MAGI2: variants seen among roughly 807,000 people sequenced by gnomAD.
The protein encoded by MAGI2 is membrane-associated guanylate kinase, WW and PDZ domain-containing protein 2.
A neutral mutation model predicts 133.3 loss-of-function variants in MAGI2; 35 were observed. The observed-to-expected ratio is 0.26, with a 90% CI of 0.20 to 0.35. The LOEUF is 0.35. Among genes scored for constraint, MAGI2 ranks in the 10% least tolerant of loss-of-function variants. MAGI2 has a pLI of 1.00. For missense variants in MAGI2, 1,636 were observed against 1,863.4 expected (o/e 0.88, Z 2.25); for synonymous variants, 729 against 710.6 (o/e 1.03, Z -0.41).
At chr7:79,291,545 G>C (rs1354219506) in intron 1 of MAGI2, among the ~76,000 whole-genome samples, 1 of 152,016 alleles carries the variant, frequency 6.6e-6, no homozygotes, top group African/African-American at 2.4e-5. Context: ...GTGTATCAGG[G>C]CTCCATTTTC....
At chr7:79,152,471 T>C (rs1000937700) in intron 1 of MAGI2, among the ~76,000 whole-genome samples, 5 of 152,216 alleles carry the variant, frequency 3.3e-5, no homozygotes, top group Non-Finnish European at 7.3e-5. Flanking sequence ...AGAAAAAGTA[T>C]TCTTGCTTTT....
At chr7:78,724,817 A>T (rs1820611133) in intron 2 of MAGI2, among the ~76,000 whole-genome samples, 1 of 152,214 alleles carries the variant, frequency 6.6e-6, no homozygotes, top group Non-Finnish European at 1.5e-5. Flanking sequence ...AACAATGCAT[A>T]ACAGCACTTG....
chr7:78,691,847 G>A (rs917887956), intron 2 of MAGI2, among the ~76,000 whole-genome samples: 2 of 152,116 alleles, frequency 1.3e-5, no homozygotes, highest in African/African-American at 4.8e-5. Flanking sequence ...TTATACATTT[G>A]TCCAATCTCA....
At chr7:78,135,459 C>T (rs1238260830) in intron 16 of MAGI2, among the ~76,000 whole-genome samples, 1 of 152,122 alleles carries the variant, frequency 6.6e-6, no homozygotes, top group African/African-American at 2.4e-5. Context: ...TTGGGGTGAT[C>T]ATAATTAACC....
chr7:79,171,770 A>ATATATATTTT, intron 1 of MAGI2, among the ~76,000 whole-genome samples: 11 of 31,222 alleles, frequency 3.5e-4, no homozygotes, highest in Non-Finnish European at 1.1e-3. Flanking sequence ...ATATATATAT[A>ATATATATTTT]TTTTTTTTTT....
intron 2 of MAGI2, among the ~76,000 whole-genome samples, chr7:78,881,295 A>G (rs1417988131): frequency 3.3e-5 from 5 of 152,086 alleles, no homozygotes; most frequent in Admixed American, 3.3e-4. Flanking sequence ...CATGGAACAT[A>G]CTCTAAGATG....
chr7:78,384,956 TG>T (rs34805245), intron 6 of MAGI2, among the ~76,000 whole-genome samples: 1 of 152,084 alleles, frequency 6.6e-6, no homozygotes, highest in Non-Finnish European at 1.5e-5. Flanking sequence ...CCCATAACAC[TG>T]GGTGTAAGCA....
At chr7:79,388,608 GAATATTTAGAGAGTTGCC>G (rs1844369412) in intron 1 of MAGI2, among the ~76,000 whole-genome samples, 1 of 151,476 alleles carries the variant, frequency 6.6e-6, no homozygotes, top group South Asian at 2.1e-4. Context: ...TTTATAATAA[GAATATTTAGAGAGTTGCC>G]TCACCCTTTG....
intron 2 of MAGI2, among the ~76,000 whole-genome samples, chr7:78,644,809 GA>G (rs1389408003): frequency 3.3e-5 from 5 of 151,158 alleles, no homozygotes; most frequent in South Asian, 4.2e-4. Context: ...TAAATAAATA[GA>G]AAAAAAATAA....
chr7:78,992,125 G>C (rs1171889806), intron 2 of MAGI2, among the ~76,000 whole-genome samples: 1 of 152,054 alleles, frequency 6.6e-6, no homozygotes, highest in African/African-American at 2.4e-5. Flanking sequence ...TTCAGGTTTT[G>C]TAACAATTAA....
chr7:79,352,575 C>T (rs191124182), intron 1 of MAGI2, among the ~76,000 whole-genome samples: 1 of 152,246 alleles, frequency 6.6e-6, no homozygotes, highest in East Asian at 1.9e-4. Flanking sequence ...GGCTGTAAGC[C>T]CCACTCACAC....
chr7:78,455,686 A>G (rs17150818), intron 6 of MAGI2, among the ~76,000 whole-genome samples: 4,087 of 152,254 alleles, frequency 0.027, 190 homozygotes, highest in African/African-American at 0.09. Context: ...CTGCCATAAT[A>G]TAGTCGCTAT....
intron 3 of MAGI2, among the ~76,000 whole-genome samples, chr7:78,580,932 G>A (rs1802771243): frequency 6.6e-6 from 1 of 152,110 alleles, no homozygotes; most frequent in South Asian, 2.1e-4. Flanking sequence ...CATCACAAAT[G>A]CAGATGACGA....
At chr7:79,175,917 G>A (rs955833532) in intron 1 of MAGI2, among the ~76,000 whole-genome samples, 6 of 151,964 alleles carry the variant, frequency 3.9e-5, no homozygotes, top group Non-Finnish European at 7.4e-5. Flanking sequence ...TTGTGTTTCA[G>A]TGATTTATTT....
intron 7 of MAGI2, among the ~76,000 whole-genome samples, chr7:78,357,192 T>A (rs2151220657): frequency 6.6e-6 from 1 of 152,312 alleles, no homozygotes; most frequent in African/African-American, 2.4e-5. Flanking sequence ...GCAACAATAT[T>A]TTTATCACCT....
At chr7:79,423,241 AT>A (rs1213985942) in intron 1 of MAGI2, among the ~76,000 whole-genome samples, 1 of 152,048 alleles carries the variant, frequency 6.6e-6, no homozygotes, top group Non-Finnish European at 1.5e-5. Flanking sequence ...TATATTTATT[AT>A]TTGTAAACAG....
At chr7:78,953,620 GA>G (rs1443245403) in intron 2 of MAGI2, among the ~76,000 whole-genome samples, 1 of 151,936 alleles carries the variant, frequency 6.6e-6, no homozygotes, top group East Asian at 1.9e-4. Flanking sequence ...TACATAAAAA[GA>G]AAAAAATTAA....
intron 6 of MAGI2, among the ~76,000 whole-genome samples, chr7:78,415,551 A>C (rs946325750): frequency 6.6e-6 from 1 of 152,102 alleles, no homozygotes; most frequent in Non-Finnish European, 1.5e-5. Flanking sequence ...GAAATATTAT[A>C]TAATTTAGTA....
At chr7:78,250,147 C>T (rs1183877184) in intron 10 of MAGI2, among the ~76,000 whole-genome samples, 3 of 151,986 alleles carry the variant, frequency 2.0e-5, no homozygotes, top group Admixed American at 6.6e-5. Context: ...AACAGCAAGG[C>T]ACTAGGACAT....
Sources: gnomAD v4.1 joint callset for allele counts (sites outside exome capture counted in the v4.1 genomes callset) on GRCh38, gnomAD v4.1.1 for gene constraint, MANE v1.5 for transcripts, NCBI Gene and HGNC (gene_info 2026-07-23, HGNC 2026-07-21) for gene names.